The following TSGA10IP variants were observed in gnomAD, a reference collection of about 807,000 sequenced individuals.
TSGA10IP encodes the protein testis specific 10 interacting protein.
TSGA10IP carries 64 observed loss-of-function variants against 63.2 expected under a neutral mutation model. The observed-to-expected ratio is 1.01, with a 90% CI of 0.83 to 1.25. TSGA10IP has a LOEUF of 1.25. Among genes scored for constraint, TSGA10IP ranks in the 50% most tolerant of loss-of-function variants. The pLI is 0.00. For missense variants in TSGA10IP, 681 were observed against 710.1 expected (o/e 0.96, Z 0.47); for synonymous variants, 316 against 298.3 (o/e 1.06, Z -0.61).
chr11:65,945,567 C>T, exon 1 of TSGA10IP: 1 of 1,285,778 alleles, frequency 7.8e-7, no homozygotes, highest in South Asian at 1.4e-5. Context: ...ACCCCACTGA[C>T]CCCTTCCTAG....
chr11:65,958,821 C>T, intron 5 of TSGA10IP, 62 bp from the exon 6 acceptor site: 1 of 1,417,078 alleles, frequency 7.1e-7, no homozygotes, highest in South Asian at 1.2e-5. Flanking sequence ...TAAGCGGGCT[C>T]AGGAATGGAG....
chr11:65,955,472 G>A (rs1417189771), intron 5 of TSGA10IP, among the ~76,000 whole-genome samples: 1 of 152,086 alleles, frequency 6.6e-6, no homozygotes, highest in East Asian at 1.9e-4. Context: ...AATTAGCTGG[G>A]CGTAGTGGCG....
chr11:65,951,520 TA>T (rs2134874512), intron 4 of TSGA10IP, among the ~76,000 whole-genome samples: 1 of 142,514 alleles, frequency 7.0e-6, no homozygotes, highest in East Asian at 2.5e-4. Flanking sequence ...TTGCTTATTT[TA>T]TTATTATTAT....
At chr11:65,949,135 T>A (rs1854899144) in intron 4 of TSGA10IP, among the ~76,000 whole-genome samples, 1 of 151,816 alleles carries the variant, frequency 6.6e-6, no homozygotes. Flanking sequence ...GCCCAGGAGA[T>A]CAAGGCTGCA....
At chr11:65,949,238 A>T (rs953974089) in intron 4 of TSGA10IP, among the ~76,000 whole-genome samples, 1 of 151,964 alleles carries the variant, frequency 6.6e-6, no homozygotes, top group Non-Finnish European at 1.5e-5. Flanking sequence ...TGAAGGGGAG[A>T]CTGGAGGCTG....
chr11:65,946,947 A>G, exon 2 of TSGA10IP: 1 of 1,614,010 alleles, frequency 6.2e-7, no homozygotes, highest in Non-Finnish European at 8.5e-7. Flanking sequence ...AGCTCAAGGC[A>G]GACAGCAAAG....
intron 5 of TSGA10IP, among the ~76,000 whole-genome samples, chr11:65,954,251 C>T (rs1160564174): frequency 1.3e-5 from 2 of 151,768 alleles, no homozygotes; most frequent in African/African-American, 2.4e-5. Flanking sequence ...CTGCAATCTC[C>T]GCCTCCCAGC....
exon 5 of TSGA10IP, chr11:65,953,641 A>C (rs1854979169): frequency 1.3e-6 from 2 of 1,591,106 alleles, no homozygotes; most frequent in Non-Finnish European, 1.7e-6. Flanking sequence ...GCCCGGACAC[A>C]GCATGTACAG....
At chr11:65,947,760 C>T (rs772812579) in exon 3 of TSGA10IP, 3 of 1,587,974 alleles carry the variant, frequency 1.9e-6, no homozygotes, top group Non-Finnish European at 2.6e-6. Context: ...AAGACAAGGG[C>T]CAAGGAGCTG....
intron 4 of TSGA10IP, among the ~76,000 whole-genome samples, chr11:65,951,879 T>G (rs1291274372): frequency 6.7e-6 from 1 of 149,608 alleles, no homozygotes; most frequent in Non-Finnish European, 1.5e-5. Flanking sequence ...AGATGGAGCC[T>G]CACTTCGTCA....
rs1384841598 is a variant in TSGA10IP at position 65,959,898 on chromosome 11, C to G, written c.1629C>G (p.Asp543Glu). Residue 543 changes from aspartate (D) to glutamate (E), a missense_variant, in exon 8 of 8, where the codon GAC becomes GAG. Physicochemically the swap from Asp to Glu is conservative, Grantham distance 45 (BLOSUM62 2). Transcript: ENST00000532620. The stretch of plus-strand genomic sequence containing the variant: ...CAGAACCCACCGGCAGCCAGCCTGA[C>G]AGGCACTACAACCCCAGCCTGGACC... The G allele has an allele frequency of 4.3e-6, 7 of 1,612,362 alleles. No individual in the cohort carries two copies. The Admixed American group carries it at 5.0e-5, about 12-fold the overall frequency.
At chr11:65,945,617 G>T (rs1225105897) in exon 1 of TSGA10IP, 3 of 1,583,538 alleles carry the variant, frequency 1.9e-6, no homozygotes. Context: ...GCTGAGGACT[G>T]GTTGCCATAG....
At chr11:65,959,443 A>G in intron 7 of TSGA10IP, 129 bp downstream of exon 7, 1 of 1,390,094 alleles carries the variant, frequency 7.2e-7, no homozygotes, top group Non-Finnish European at 9.6e-7. Flanking sequence ...AGGCAAGGCC[A>G]GGGTTGTCAT....
At position 65,955,710 on chromosome 11, in the gene TSGA10IP, T is replaced by G. The variant is rs143909354; in HGVS notation, c.1322+1973T>G. On this transcript the variant is annotated intron_variant, in intron 5 of 7. Coordinates refer to ENST00000532620, the Ensembl canonical transcript of TSGA10IP. ...CTGGGGCTTCATACAAGGGGAAAAG[T>G]CAGTACGGCCCGCTCACCTTACTAT... Among the ~76,000 whole-genome samples the G allele has an allele frequency of 5.0e-3, 754 of 151,924 alleles. 6 individuals carry two copies. The highest frequency in any genetic ancestry group is 0.017 in the African/African-American group (706 of 41,402).
At position 65,959,221 on chromosome 11, in the gene TSGA10IP, T is replaced by C. The variant is rs192672036; in HGVS notation, c.1454T>C (p.Phe485Ser). The change falls in exon 7 of 8, where the codon TTC becomes TCC. Residue 485 changes from phenylalanine (F) to serine (S), a missense_variant. By Grantham distance (155) the Phe-to-Ser change is radical (BLOSUM62 -2). Coordinates refer to ENST00000532620, the Ensembl canonical transcript of TSGA10IP. Reference sequence around the variant, plus strand: ...GCCCGGCTCACCGTCACTCGGCGCTTCTCCCAGGTGCTGTCAGCACTGGGG... The same window carrying C: ...GCCCGGCTCACCGTCACTCGGCGCTCCTCCCAGGTGCTGTCAGCACTGGGG... The C allele has an allele frequency of 5.7e-5, 92 of 1,607,582 alleles. 1 individual carries two copies. In the Admixed American group the frequency reaches 1.1e-3, roughly 19 times the overall value.
rs1258626272 is a variant in TSGA10IP, at chr11:65,946,922, C to T, written c.190C>T (p.Gln64Ter). ...TGATGGTGTGCCAAATCAAGACCTG[C>T]AGCAGAGGTCTCAGAGCTCAAGGCA... Residue 64 changes from glutamine (Q) to a stop codon, truncating the protein, a stop_gained, in exon 2 of 8, where the codon CAG becomes TAG. Transcript: ENST00000532620. LOFTEE classifies it high-confidence loss of function. 6.2e-7 allele frequency: 1 copy of T among 1,613,814 alleles called. No homozygotes were observed. The highest frequency in any genetic ancestry group is 1.3e-5 in the African/African-American group (1 of 74,900).
At chr11:65,948,293 C>A in intron 4 of TSGA10IP, 145 bp downstream of exon 4, 1 of 809,480 alleles carries the variant, frequency 1.2e-6, no homozygotes, top group Non-Finnish European at 1.9e-6. Context: ...TCCATCCATC[C>A]ATCCATCCAT....
In TSGA10IP at chr11:65,947,112, A is replaced by T. The variant is rs75881820; in HGVS notation, c.287A>T (p.His96Leu). The T allele has an allele frequency of 4.1e-3, 6,567 of 1,609,400 alleles. 234 individuals are homozygous for T. The African/African-American group carries it at 0.078, about 19-fold the overall frequency. The change falls in exon 3 of 8, where the codon CAC becomes CTC. Residue 96 changes from histidine to leucine, a missense_variant and splice_region_variant. Physicochemically the swap from His to Leu is moderately conservative, Grantham distance 99. Transcript: ENST00000532620. ...ACCCCCACCCTTTCCTTCTTCAGTC[A>T]CTTCCCGCTTCTTCCTCGGAAACCC...
intron 5 of TSGA10IP, among the ~76,000 whole-genome samples, chr11:65,957,592 A>G (rs1016461981): frequency 1.3e-5 from 2 of 152,130 alleles, no homozygotes; most frequent in Admixed American, 1.3e-4. Context: ...TTTCAAGTCC[A>G]TGTCTTTTTC....
Sources: allele counts gnomAD v4.1 joint callset (sites outside exome capture counted in the v4.1 genomes callset), GRCh38; gene constraint gnomAD v4.1.1; transcripts MANE v1.5; gene names NCBI Gene and HGNC (gene_info 2026-07-23, HGNC 2026-07-21).